The following CTNNA3 variants were observed in gnomAD, a reference collection of about 807,000 sequenced individuals.
CTNNA3 encodes catenin alpha 3.
CTNNA3 carries 76 observed loss-of-function variants against 95.7 expected under a neutral mutation model. That is an observed-to-expected ratio of 0.79 (90% confidence interval 0.66 to 0.96). CTNNA3 has a LOEUF of 0.96. Among genes scored for constraint, CTNNA3 ranks in the 40% least tolerant of loss-of-function variants. The probability of loss-of-function intolerance (pLI) is 0.00; values close to 1 mark genes in which losing one functional copy is unlikely to be tolerated. For synonymous variants in CTNNA3, 431 were observed against 374.4 expected, an observed-to-expected ratio of 1.15 and a Z score of -1.74; for missense variants, 1,191 against 1,089.8, an observed-to-expected ratio of 1.09 and a Z score of -1.31.
chr10:66,475,176 C>T (rs914793963), intron 11 of CTNNA3, among the ~76,000 whole-genome samples: 1 of 152,004 alleles, frequency 6.6e-6, no homozygotes, highest in Non-Finnish European at 1.5e-5. Flanking sequence ...AAAGTACAGT[C>T]TCTTCAATAA....
intron 13 of CTNNA3, among the ~76,000 whole-genome samples, chr10:66,278,222 C>A (rs958308412): frequency 6.7e-6 from 1 of 148,356 alleles, no homozygotes. Flanking sequence ...AACCTCTATC[C>A]AATAAATATA....
chr10:66,766,322 T>C lies in CTNNA3; in HGVS notation c.1223A>G (p.Glu408Gly), dbSNP rs1160021662. ...VLIEAAKNGR[E>G]KEIKEYAAIF... ...CGCAGCATATTCTTTTATTTCCTTTTCCCGGCCATTCTTAGCAGCTTCAAT... is the reference window on the plus strand; with the variant it reads ...CGCAGCATATTCTTTTATTTCCTTTCCCCGGCCATTCTTAGCAGCTTCAAT... Residue 408 changes from glutamate to glycine, a missense_variant, in exon 9 of 18, where the codon GAA becomes GGA. Transcript: ENST00000433211. The C allele has an allele frequency of 6.2e-7, 1 of 1,613,936 alleles. No individual in the cohort carries two copies. The highest frequency in any genetic ancestry group is 8.5e-7 in the Non-Finnish European group (1 of 1,179,906).
intron 5 of CTNNA3, among the ~76,000 whole-genome samples, chr10:67,362,827 A>G (rs899369003): frequency 2.6e-5 from 4 of 151,798 alleles, no homozygotes; most frequent in African/African-American, 7.3e-5. Context: ...CTCTCTCTTC[A>G]GAGATGATAT....
At chr10:65,961,584 AAACTGTTAGCT>A (rs1461628347) in intron 17 of CTNNA3, among the ~76,000 whole-genome samples, 7 of 152,140 alleles carry the variant, frequency 4.6e-5, no homozygotes, top group Admixed American at 2.6e-4. Context: ...AATATGATAG[AAACTGTTAGCT>A]GCCACCCAAT....
intron 7 of CTNNA3, chr10:66,926,016 G>A (rs750479534): frequency 2.2e-6 from 1 of 456,784 alleles, no homozygotes; most frequent in South Asian, 1.5e-5. Context: ...ACATAAGACT[G>A]CATTCACTGA....
At chr10:65,996,714 G>A (rs764636421) in intron 15 of CTNNA3, among the ~76,000 whole-genome samples, 11 of 152,126 alleles carry the variant, frequency 7.2e-5, no homozygotes, top group Admixed American at 3.9e-4. Flanking sequence ...CCCATCATGG[G>A]AATGTGGACT....
chr10:66,141,241 G>C (rs1366855930), intron 13 of CTNNA3, among the ~76,000 whole-genome samples: 1 of 150,136 alleles, frequency 6.7e-6, no homozygotes, highest in Non-Finnish European at 1.5e-5. Context: ...CCTGGCAATA[G>C]AGTGAGAAGA....
chr10:66,727,049 A>G (rs1848804140), intron 9 of CTNNA3, among the ~76,000 whole-genome samples: 1 of 152,164 alleles, frequency 6.6e-6, no homozygotes, highest in African/African-American at 2.4e-5. Context: ...ATGTGTAACA[A>G]GAACTAATTC....
chr10:65,996,409 T>C (rs1307121562), intron 15 of CTNNA3, among the ~76,000 whole-genome samples: 2 of 152,076 alleles, frequency 1.3e-5, no homozygotes, highest in African/African-American at 4.8e-5. Flanking sequence ...TTCTGCTGAG[T>C]CTAATCACTC....
intron 13 of CTNNA3, among the ~76,000 whole-genome samples, chr10:66,271,660 T>G (rs10997024): frequency 0.11 from 17,321 of 152,124 alleles, 1,267 homozygotes; most frequent in East Asian, 0.28. Context: ...GATGCTTGGC[T>G]CCTTATATTC....
chr10:67,726,173 T>G (rs1304450808), intron 1 of CTNNA3, among the ~76,000 whole-genome samples: 1 of 99,496 alleles, frequency 1.0e-5, no homozygotes, highest in Non-Finnish European at 1.8e-5. Flanking sequence ...TCTTATATAA[T>G]AATATATATT....
intron 13 of CTNNA3, among the ~76,000 whole-genome samples, chr10:66,238,257 T>A: frequency 6.6e-6 from 1 of 151,984 alleles, no homozygotes; most frequent in Non-Finnish European, 1.5e-5. Context: ...GTTATAAATA[T>A]TAAATAACTC....
chr10:66,495,277 T>C (rs1370278661), intron 11 of CTNNA3, among the ~76,000 whole-genome samples: 2 of 152,162 alleles, frequency 1.3e-5, no homozygotes, highest in Non-Finnish European at 2.9e-5. Context: ...GGGATTATTT[T>C]ATAAGAGGAG....
intron 5 of CTNNA3, among the ~76,000 whole-genome samples, chr10:67,235,766 C>A (rs1398101094): frequency 6.9e-6 from 1 of 144,246 alleles, no homozygotes; most frequent in African/African-American, 2.7e-5. Context: ...ATCTACTCAT[C>A]TGACAAAGGG....
At chr10:66,505,919 C>A (rs903920496) in intron 11 of CTNNA3, among the ~76,000 whole-genome samples, 8 of 151,958 alleles carry the variant, frequency 5.3e-5, no homozygotes, top group Admixed American at 5.2e-4. Context: ...AAGGAATATC[C>A]AAAACTGGAT....
At chr10:67,760,924 T>C (rs1405101321) in intron 1 of CTNNA3, among the ~76,000 whole-genome samples, 1 of 152,188 alleles carries the variant, frequency 6.6e-6, no homozygotes, top group Non-Finnish European at 1.5e-5. Flanking sequence ...TTTCATTATA[T>C]ATTACAATGT....
intron 11 of CTNNA3, among the ~76,000 whole-genome samples, chr10:66,510,627 A>G (rs1457222247): frequency 6.6e-6 from 1 of 151,670 alleles, no homozygotes; most frequent in Non-Finnish European, 1.5e-5. Context: ...TTTTATTAAA[A>G]GATTTTTCTG....
Position 66,487,181 on chromosome 10 carries a change from ATTTTTTTTTTTTTTTTTTTTTTTTT to A in CTNNA3, c.1531+33411_1531+33435del, listed in dbSNP as rs60547696. ...TACTTGAAATTTAATAAAAGGGCAG[ATTTTTTTTTTTTTTTTTTTTTTTTT>A]TTTTTTTTTTTTTGAGACGGAATCT... On this transcript the variant is annotated intron_variant, in intron 11 of 17. Transcript: ENST00000433211. Among the ~76,000 whole-genome samples, 7 of 45,986 alleles carry A rather than the reference ATTTTTTTTTTTTTTTTTTTTTTTTT, an allele frequency of 1.5e-4. No homozygotes were observed. The South Asian group carries it at 2.7e-3, about 18-fold the overall frequency. The allele number at this position is 45,986 out of a possible 152,430, so 30.2% of individuals were successfully genotyped here.
Position 66,329,164 on chromosome 10 carries a change from T to G in CTNNA3, c.1733-48543A>C, listed in dbSNP as rs560198152. ...TGGGGTTTCACCATATCGGCCAGGC[T>G]GGTATCGAACCCCTGACCTCAGGTG... is the stretch of plus-strand genomic sequence containing the variant. On this transcript the variant is annotated intron_variant, in intron 12 of 17. Transcript: ENST00000433211. 3.5e-3 allele frequency among the ~76,000 whole-genome samples: 529 copies of G among 151,692 alleles called. 4 individuals carry two copies. Among genetic ancestry groups the G allele is most frequent in the Middle Eastern group, 0.024 (7 of 294 alleles).
Sources: allele counts gnomAD v4.1 joint callset (sites outside exome capture counted in the v4.1 genomes callset), GRCh38; gene constraint gnomAD v4.1.1; transcripts MANE v1.5; gene names NCBI Gene and HGNC (gene_info 2026-07-23, HGNC 2026-07-21).